ARHGAP24: variants seen among roughly 807,000 people sequenced by gnomAD.
ARHGAP24 encodes the protein rho GTPase-activating protein 24.
Under a neutral mutation model 76.4 loss-of-function variants are expected in ARHGAP24, and 50 were observed. That is an observed-to-expected ratio of 0.65 (90% CI 0.52 to 0.83). The LOEUF (loss-of-function observed/expected upper bound fraction) is 0.83. Ranked by LOEUF, ARHGAP24 falls within the 40% of genes least tolerant of loss-of-function variation. ARHGAP24 has a pLI of 0.00. For missense variants in ARHGAP24, 930 were observed against 914.2 expected (o/e 1.02, Z -0.22); for synonymous variants, 345 against 323.3 (o/e 1.07, Z -0.72).
intron 2 of ARHGAP24, among the ~76,000 whole-genome samples, chr4:85,576,053 T>C (rs1013926500): frequency 6.6e-6 from 1 of 152,218 alleles, no homozygotes; most frequent in African/African-American, 2.4e-5. Flanking sequence ...TGGATTTTCT[T>C]AACTTAGAGG....
At chr4:85,873,452 A>T (rs1732654508) in intron 3 of ARHGAP24, among the ~76,000 whole-genome samples, 1 of 152,200 alleles carries the variant, frequency 6.6e-6, no homozygotes, top group Non-Finnish European at 1.5e-5. Flanking sequence ...ACTGGGAATT[A>T]TCTACTGTGT....
rs147296706 is a variant in ARHGAP24 at position 85,980,697 on chromosome 4, T to A, written c.928+3006T>A. On this transcript the variant is annotated intron_variant, in intron 8 of 9. Coordinates refer to ENST00000395184, the MANE Select transcript of ARHGAP24 (RefSeq NM_001025616.3). ...TAATGTTCACTACTGGTCCTTGTAT[T>A]GATGTCTTTCCAGCCTAGAGATTCT... is the stretch of plus-strand genomic sequence containing the variant. Among the ~76,000 whole-genome samples, 525 of 152,340 alleles carry A rather than the reference T, an allele frequency of 3.4e-3. 15 individuals are homozygous for A. Among genetic ancestry groups the A allele is most frequent in the Admixed American group, 0.029 (450 of 15,294 alleles).
At chr4:85,666,091 G>C (rs928955203) in intron 2 of ARHGAP24, among the ~76,000 whole-genome samples, 1 of 152,090 alleles carries the variant, frequency 6.6e-6, no homozygotes, top group Non-Finnish European at 1.5e-5. Context: ...AGTTCTCCTG[G>C]ATAATATCCT....
At chr4:85,594,428 G>A (rs1728233281) in intron 2 of ARHGAP24, among the ~76,000 whole-genome samples, 1 of 151,788 alleles carries the variant, frequency 6.6e-6, no homozygotes, top group South Asian at 2.1e-4. Flanking sequence ...TTCCAATTTG[G>A]TCGCCCCTTA....
intron 1 of ARHGAP24, among the ~76,000 whole-genome samples, chr4:85,562,217 G>T (rs1263451972): frequency 2.0e-5 from 3 of 152,188 alleles, no homozygotes; most frequent in Non-Finnish European, 4.4e-5. Context: ...GCTATGGAAA[G>T]AATCCATCAT....
At chr4:85,816,927 T>C (rs1219408079) in intron 3 of ARHGAP24, among the ~76,000 whole-genome samples, 2 of 152,196 alleles carry the variant, frequency 1.3e-5, no homozygotes, top group African/African-American at 4.8e-5. Context: ...TAATACTTAT[T>C]ATCTTTTGTC....
At chr4:85,930,492 C>G (rs933037678) in intron 4 of ARHGAP24, 11 of 991,440 alleles carry the variant, frequency 1.1e-5, no homozygotes, top group Non-Finnish European at 1.1e-5. Flanking sequence ...TGTCATTGTT[C>G]CTCTTTCCTC....
chr4:85,720,895 A>T (rs2110042387), intron 2 of ARHGAP24, among the ~76,000 whole-genome samples: 1 of 152,292 alleles, frequency 6.6e-6, no homozygotes, highest in South Asian at 2.1e-4. Flanking sequence ...ACATTATCAA[A>T]CACGCAGCTT....
intron 7 of ARHGAP24, among the ~76,000 whole-genome samples, chr4:85,976,528 ATATGT>A (rs534307988): frequency 5.8e-4 from 88 of 152,272 alleles, no homozygotes; most frequent in Non-Finnish European, 1.0e-3. Context: ...TACTATATAA[ATATGT>A]TATTTTAATT....
intron 3 of ARHGAP24, among the ~76,000 whole-genome samples, chr4:85,739,413 G>C (rs1454634129): frequency 6.6e-6 from 1 of 152,078 alleles, no homozygotes; most frequent in African/African-American, 2.4e-5. Flanking sequence ...ATATATCTCT[G>C]CTCGGTTTTC....
chr4:85,984,815 CTTTTA>C (rs1739883888), intron 8 of ARHGAP24, among the ~76,000 whole-genome samples: 1 of 152,018 alleles, frequency 6.6e-6, no homozygotes, highest in African/African-American at 2.4e-5. Context: ...AAAAACAACT[CTTTTA>C]TTTTACTACT....
chr4:85,895,678 T>G (rs1413235645), intron 3 of ARHGAP24, among the ~76,000 whole-genome samples: 1 of 152,208 alleles, frequency 6.6e-6, no homozygotes, highest in African/African-American at 2.4e-5. Flanking sequence ...TTCTGTACCC[T>G]TTTTGAAATT....
intron 2 of ARHGAP24, among the ~76,000 whole-genome samples, chr4:85,672,581 C>T (rs111820341): frequency 0.029 from 4,455 of 152,192 alleles, 204 homozygotes; most frequent in African/African-American, 0.1. Context: ...TATTACTCTT[C>T]ATCAGCAGGC....
chr4:85,604,452 C>T (rs1479713007), intron 2 of ARHGAP24: 1 of 152,148 alleles, frequency 6.6e-6, no homozygotes, highest in Non-Finnish European at 1.5e-5. Context: ...CCATAGGGCA[C>T]TTGGCAAGAT....
At chr4:85,523,704 A>G (rs1264310461) in intron 1 of ARHGAP24, among the ~76,000 whole-genome samples, 1 of 152,156 alleles carries the variant, frequency 6.6e-6, no homozygotes, top group Non-Finnish European at 1.5e-5. Flanking sequence ...CTAAGTGTAC[A>G]TATCACCTAT....
At chr4:85,695,365 A>G (rs964082283) in intron 2 of ARHGAP24, among the ~76,000 whole-genome samples, 2 of 152,190 alleles carry the variant, frequency 1.3e-5, no homozygotes, top group Admixed American at 1.3e-4. Context: ...TGCCTGTTAC[A>G]TGGGTATGGG....
intron 3 of ARHGAP24, 99 bp downstream of exon 3, chr4:85,722,071 A>G: frequency 8.9e-7 from 1 of 1,119,116 alleles, no homozygotes; most frequent in East Asian, 2.5e-5. Context: ...ATCATGACTG[A>G]GAACCTTAAT....
At chr4:85,950,614 TATA>T (rs1381842574) in intron 5 of ARHGAP24, among the ~76,000 whole-genome samples, 2 of 152,012 alleles carry the variant, frequency 1.3e-5, no homozygotes, top group South Asian at 4.1e-4. Flanking sequence ...CTTGGCAGAT[TATA>T]ATAATTTTTT....
intron 3 of ARHGAP24, among the ~76,000 whole-genome samples, chr4:85,730,085 C>G (rs1725343202): frequency 6.6e-6 from 1 of 152,176 alleles, no homozygotes; most frequent in Non-Finnish European, 1.5e-5. Flanking sequence ...TTTAGAAGTT[C>G]CATCTCTGAA....
Sources: allele counts gnomAD v4.1 joint callset (sites outside exome capture counted in the v4.1 genomes callset), GRCh38; gene constraint gnomAD v4.1.1; transcripts MANE v1.5; gene names NCBI Gene and HGNC (gene_info 2026-07-23, HGNC 2026-07-21).